Variants in RFX3 observed in about 807,000 individuals in gnomAD.
RFX3 encodes the protein transcription factor RFX3.
A neutral mutation model predicts 98.6 loss-of-function variants in RFX3; 14 were observed. That is an observed-to-expected ratio of 0.14 (90% CI 0.09 to 0.22). RFX3 has a LOEUF of 0.22. RFX3 is among the 10% of genes least tolerant of loss of function. The pLI, the probability that RFX3 is intolerant of heterozygous loss-of-function variation, is 1.00. For synonymous variants in RFX3, 383 were observed against 328.4 expected (o/e 1.17, Z -1.80); for missense variants, 639 against 926.9 (o/e 0.69, Z 4.03).
rs116950949 is a variant in RFX3, at chr9:3,258,221, G to A, written c.1606-1022C>T. Among the ~76,000 whole-genome samples the A allele has an allele frequency of 3.3e-3, 498 of 152,196 alleles. 1 individual carries two copies. The highest frequency in any genetic ancestry group is 6.1e-3 in the Non-Finnish European group (412 of 67,976). ...TTTTAAGCTGGGTTCATTGTGTCCA[G>A]ATAATTTTGTCAAGATAGATTTCTT... On this transcript the variant is annotated intron_variant, in intron 13 of 16. Transcript: ENST00000617270.
At chr9:3,400,060 A>G (rs1841321843) in intron 1 of RFX3, 1 of 159,748 alleles carries the variant, frequency 6.3e-6, no homozygotes, top group African/African-American at 2.4e-5. Context: ...ACTGCTAGAA[A>G]TGTATCACTA....
chr9:3,369,567 T>C (rs1837574886), intron 2 of RFX3, among the ~76,000 whole-genome samples: 1 of 152,196 alleles, frequency 6.6e-6, no homozygotes, highest in Non-Finnish European at 1.5e-5. Flanking sequence ...TATGCTATTT[T>C]ACAAGAATAA....
At chr9:3,274,283 T>C (rs1002628513) in intron 9 of RFX3, among the ~76,000 whole-genome samples, 1 of 152,170 alleles carries the variant, frequency 6.6e-6, no homozygotes, top group Non-Finnish European at 1.5e-5. Context: ...GCTAAGAACC[T>C]CTTACTGCAT....
chr9:3,298,703 C>T (rs2129948663), intron 5 of RFX3, among the ~76,000 whole-genome samples: 1 of 151,934 alleles, frequency 6.6e-6, no homozygotes, highest in Non-Finnish European at 1.5e-5. Context: ...TTCAATACCT[C>T]ACCCCATCTT....
chr9:3,456,395 A>C (rs1847154760), intron 1 of RFX3, among the ~76,000 whole-genome samples: 1 of 152,190 alleles, frequency 6.6e-6, no homozygotes, highest in African/African-American at 2.4e-5. Flanking sequence ...GACCATCTTA[A>C]TTTCAGCTAA....
chr9:3,466,774 A>G (rs1848258906), intron 1 of RFX3, among the ~76,000 whole-genome samples: 2 of 151,994 alleles, frequency 1.3e-5, no homozygotes, highest in Non-Finnish European at 2.9e-5. Context: ...ACTGTGGTCA[A>G]ATTATTGCCC....
intron 1 of RFX3, among the ~76,000 whole-genome samples, chr9:3,408,630 A>G (rs948635083): frequency 6.6e-6 from 1 of 151,600 alleles, no homozygotes; most frequent in African/African-American, 2.4e-5. Flanking sequence ...ACACACACAC[A>G]CACACGCACG....
At chr9:3,525,141 G>A (rs1819130802) in intron 1 of RFX3, among the ~76,000 whole-genome samples, 1 of 151,870 alleles carries the variant, frequency 6.6e-6, no homozygotes, top group South Asian at 2.1e-4. Flanking sequence ...AGGCAAAGAG[G>A]GGCAAAAATG....
chr9:3,360,380 A>C (rs1836271365), intron 2 of RFX3, among the ~76,000 whole-genome samples: 1 of 152,164 alleles, frequency 6.6e-6, no homozygotes, highest in African/African-American at 2.4e-5. Flanking sequence ...ATGAATTAAA[A>C]TGACCTGACC....
intron 1 of RFX3, among the ~76,000 whole-genome samples, chr9:3,503,904 T>A (rs1180452056): frequency 6.6e-5 from 10 of 151,900 alleles, no homozygotes; most frequent in Admixed American, 3.9e-4. Flanking sequence ...CCAACCAAAT[T>A]AGCAGTCTGG....
chr9:3,336,793 C>T (rs761727434), intron 3 of RFX3, among the ~76,000 whole-genome samples: 7 of 152,062 alleles, frequency 4.6e-5, no homozygotes, highest in Non-Finnish European at 1.0e-4. Flanking sequence ...TAGGTCACAA[C>T]AGCATTTAAA....
chr9:3,493,836 T>G (rs1460559358), intron 1 of RFX3, among the ~76,000 whole-genome samples: 1 of 151,614 alleles, frequency 6.6e-6, no homozygotes, highest in Non-Finnish European at 1.5e-5. Context: ...CAACAAGCTC[T>G]TCCAACTCTT....
chr9:3,327,546 C>T (rs980023789), intron 4 of RFX3, among the ~76,000 whole-genome samples: 2 of 151,216 alleles, frequency 1.3e-5, no homozygotes, highest in East Asian at 1.9e-4. Context: ...TTTTTCCATA[C>T]AAAAGTTACT....
chr9:3,383,046 C>A (rs1024941203), intron 2 of RFX3, among the ~76,000 whole-genome samples: 1 of 151,974 alleles, frequency 6.6e-6, no homozygotes, highest in African/African-American at 2.4e-5. Context: ...TTAAAATGTT[C>A]TTCTTTTAAT....
At chr9:3,434,233 G>C (rs117528937) in intron 1 of RFX3, among the ~76,000 whole-genome samples, 1 of 152,220 alleles carries the variant, frequency 6.6e-6, no homozygotes, top group East Asian at 1.9e-4. Context: ...GCCTAGATCA[G>C]TGTCTGACAC....
intron 1 of RFX3, among the ~76,000 whole-genome samples, chr9:3,397,688 T>A (rs1469975296): frequency 6.6e-6 from 1 of 152,196 alleles, no homozygotes; most frequent in African/African-American, 2.4e-5. Flanking sequence ...CATTGGCATC[T>A]TTTTAGGGGA....
intron 2 of RFX3, among the ~76,000 whole-genome samples, chr9:3,356,086 A>T (rs1835716762): frequency 6.8e-6 from 1 of 148,012 alleles, no homozygotes; most frequent in Non-Finnish European, 1.5e-5. Flanking sequence ...GGGGGAAAAA[A>T]ATCTAAGGCA....
intron 2 of RFX3, among the ~76,000 whole-genome samples, chr9:3,390,343 G>C (rs1471248941): frequency 6.6e-6 from 1 of 152,186 alleles, no homozygotes; most frequent in African/African-American, 2.4e-5. Context: ...AACAGGCAGA[G>C]GTTGGAACAG....
At chr9:3,523,921 T>C (rs1469938792) in intron 1 of RFX3, among the ~76,000 whole-genome samples, 1 of 152,124 alleles carries the variant, frequency 6.6e-6, no homozygotes, top group African/African-American at 2.4e-5. Context: ...AGGAAATGAA[T>C]TGAAAAAGTT....
Sources: allele counts gnomAD v4.1 joint callset (sites outside exome capture counted in the v4.1 genomes callset), GRCh38; gene constraint gnomAD v4.1.1; transcripts MANE v1.5; gene names NCBI Gene and HGNC (gene_info 2026-07-23, HGNC 2026-07-21).